Variants in DHX8 observed in about 807,000 individuals in gnomAD.
The protein encoded by DHX8 is ATP-dependent RNA helicase DHX8.
In DHX8, 67 loss-of-function variants were observed where a neutral mutation model predicts 140.7. The observed-to-expected ratio is 0.48, with a 90% CI of 0.39 to 0.58. The LOEUF is 0.58. Among genes scored for constraint, DHX8 ranks in the 20% least tolerant of loss-of-function variants. The pLI, the probability that DHX8 is intolerant of heterozygous loss-of-function variation, is 0.00. For missense variants in DHX8, 887 were observed against 1,550.7 expected (o/e 0.57, Z 7.19); for synonymous variants, 533 against 553.2 (o/e 0.96, Z 0.51).
chr17:43,527,508 C>T (rs1328490132), downstream of DHX8, among the ~76,000 whole-genome samples: 1 of 152,150 alleles, frequency 6.6e-6, no homozygotes, highest in Non-Finnish European at 1.5e-5. Flanking sequence ...GAGACCCTTG[C>T]CACTCAGTAG....
intron 16 of DHX8, among the ~76,000 whole-genome samples, chr17:43,511,174 A>G (rs1444908567): frequency 6.6e-6 from 1 of 152,108 alleles, no homozygotes; most frequent in East Asian, 1.9e-4. Context: ...TACTAAAAAT[A>G]CAAAAATTAG....
At chr17:43,511,455 C>CTTTTTTTTTTTTTTTTT (rs1279628229) in intron 16 of DHX8, among the ~76,000 whole-genome samples, 8 of 6,586 alleles carry the variant, frequency 1.2e-3, no homozygotes, top group South Asian at 7.4e-3. Context: ...GTGATCCCAG[C>CTTTTTTTTTTTTTTTTT]ATTTTTTTTT....
At chr17:43,500,176 C>A in intron 11 of DHX8, 73 bp downstream of exon 11, 1 of 1,514,660 alleles carries the variant, frequency 6.6e-7, no homozygotes. Flanking sequence ...AGGGGTCACT[C>A]CCGGCACACA....
At chr17:43,495,754 A>G (rs1968820151) in intron 8 of DHX8, among the ~76,000 whole-genome samples, 1 of 152,158 alleles carries the variant, frequency 6.6e-6, no homozygotes, top group Non-Finnish European at 1.5e-5. Context: ...GGGTCAGAGG[A>G]GAAAAAAACT....
At chr17:43,486,825 A>G (rs938035133) in intron 1 of DHX8, among the ~76,000 whole-genome samples, 8 of 149,184 alleles carry the variant, frequency 5.4e-5, no homozygotes, top group African/African-American at 2.0e-4. Context: ...TTGCAGTGAG[A>G]GGATCGTGCC....
intron 15 of DHX8, 141 bp from the exon 16 acceptor site, chr17:43,508,198 C>G: frequency 8.0e-7 from 1 of 1,253,668 alleles, no homozygotes; most frequent in South Asian, 1.5e-5. Context: ...CATATATAAA[C>G]AAACTTGTAT....
intron 16 of DHX8, among the ~76,000 whole-genome samples, chr17:43,509,357 C>T (rs1404827670): frequency 6.6e-6 from 1 of 152,064 alleles, no homozygotes; most frequent in Non-Finnish European, 1.5e-5. Flanking sequence ...GTGGCTGGAA[C>T]CAAGTATATG....
downstream of DHX8, chr17:43,527,726 A>C (rs1465482130): frequency 5.0e-6 from 1 of 199,926 alleles, no homozygotes; most frequent in African/African-American, 2.3e-5. Flanking sequence ...TTTCAAATCT[A>C]CATGAGGATT....
Position 43,524,038 on chromosome 17 carries a change from C to T in DHX8, c.*191C>T. Reference sequence around the variant, plus strand: ...ATTTAAACCTGGCTTTGGCAAGAGCCTGCAGCCTCCATCACCCCAAGTCCT... The same window carrying T: ...ATTTAAACCTGGCTTTGGCAAGAGCTTGCAGCCTCCATCACCCCAAGTCCT... On this transcript the variant is annotated 3_prime_UTR_variant, in exon 23 of 23. Transcript: ENST00000262415. The T allele has an allele frequency of 7.0e-7, 1 of 1,423,750 alleles. No homozygotes were observed. The highest frequency in any genetic ancestry group is 9.1e-7 in the Non-Finnish European group (1 of 1,092,910). 88.2% of individuals were successfully genotyped at this position (1,423,750 alleles called of 1,614,324 possible). A position where few individuals can be genotyped will look rare whatever the true frequency, so the allele number is the denominator to read the frequency against.
chr17:43,512,696 T>C (rs1325618481), intron 16 of DHX8, among the ~76,000 whole-genome samples: 2 of 152,196 alleles, frequency 1.3e-5, no homozygotes, highest in Non-Finnish European at 2.9e-5. Context: ...GCATGATGCG[T>C]GATATTCCGG....
rs1350753567 is a variant in DHX8, at chr17:43,489,470, C to G, written c.170C>G (p.Ala57Gly). ...GCAGCTGAATTTGTGATCAGTCTTG[C>G]TGAGAAAAATACCACCTTTGATACT... is the stretch of plus-strand genomic sequence containing the variant. ...KDLAEFVISL[A>G]EKNTTFDTFK... The change falls in exon 2 of 23, where the codon GCT becomes GGT. Residue 57 changes from alanine (A) to glycine (G), a missense_variant. Coordinates refer to ENST00000262415, the MANE Select transcript of DHX8 (RefSeq NM_004941.3). The G allele has an allele frequency of 1.2e-6, 2 of 1,610,298 alleles. No homozygotes were observed. Among genetic ancestry groups the G allele is most frequent in the South Asian group, 2.2e-5 (2 of 90,858 alleles).
chr17:43,526,244 A>G, downstream of DHX8: 2 of 1,271,624 alleles, frequency 1.6e-6, no homozygotes, highest in Non-Finnish European at 2.0e-6. Flanking sequence ...GTGACAGCCC[A>G]GGAGAGGATG....
At position 43,492,877 on chromosome 17, in the gene DHX8, G is replaced by C. The variant is rs1968617679; in HGVS notation, c.700G>C (p.Asp234His). ...SRSRSQSPPK[D>H]RKDRDKYGER... ...GAGCAGGAGTCAGAGTCCCCCCAAA[G>C]ACCGGAAGGACCGGGACAAATATGG... The change falls in exon 6 of 23, where the codon GAC (aspartate) becomes CAC (histidine). Residue 234 changes from aspartate to histidine, a missense_variant. Asp to His is a moderately conservative substitution (Grantham distance 81). Coordinates refer to ENST00000262415, the MANE Select transcript of DHX8 (RefSeq NM_004941.3). The C allele has an allele frequency of 6.2e-7, 1 of 1,614,196 alleles. No homozygotes were observed. The highest frequency in any genetic ancestry group is 1.6e-4 in the Middle Eastern group (1 of 6,062).
downstream of DHX8, chr17:43,526,157 G>C (rs748211244): frequency 1.0e-5 from 10 of 985,260 alleles, no homozygotes; most frequent in Non-Finnish European, 1.2e-5. Flanking sequence ...TCCAGATGCA[G>C]AAGGGGAGCT....
At position 43,508,287 on chromosome 17, in the gene DHX8, A is replaced by G; in HGVS notation, c.2321-52A>G. 1.9e-6 allele frequency: 3 copies of G among 1,566,006 alleles called. No homozygotes were observed. The South Asian group carries it at 3.7e-5, about 19-fold the overall frequency. ...ATTAATATCACCATAGCCCTTGTATAGGACACACATACACACACAGAAAGT... is the reference window on the plus strand; with the variant it reads ...ATTAATATCACCATAGCCCTTGTATGGGACACACATACACACACAGAAAGT... On this transcript the variant is annotated intron_variant, in intron 15 of 22. Transcript: ENST00000262415.
At chr17:43,509,812 G>A (rs890905116) in intron 16 of DHX8, among the ~76,000 whole-genome samples, 4 of 151,878 alleles carry the variant, frequency 2.6e-5, no homozygotes, top group Non-Finnish European at 5.9e-5. Context: ...GGGACTATAA[G>A]CACCCACTAC....
chr17:43,500,165 G>A, intron 11 of DHX8, 62 bp downstream of exon 11: 1 of 1,567,324 alleles, frequency 6.4e-7, no homozygotes, highest in South Asian at 1.1e-5. Flanking sequence ...AGAACACAGG[G>A]AGGGGTCACT....
chr17:43,532,450 G>A (rs535560253), intron 2 of DHX8, among the ~76,000 whole-genome samples: 6 of 151,758 alleles, frequency 4.0e-5, no homozygotes, highest in African/African-American at 9.7e-5. Context: ...AGTGAGCAGA[G>A]ATCGTGCCAC....
chr17:43,491,218 G>C lies in DHX8; in HGVS notation c.361G>C (p.Val121Leu), dbSNP rs1420324178. 2 of 1,537,502 alleles carry C rather than the reference G, an allele frequency of 1.3e-6. No homozygotes were observed. The highest frequency in any genetic ancestry group is 1.8e-6 in the Non-Finnish European group (2 of 1,142,212). Residue 121 changes from valine to leucine, a missense_variant, in exon 4 of 23, where the codon GTC becomes CTC. Coordinates refer to ENST00000262415, the MANE Select transcript of DHX8 (RefSeq NM_004941.3). ...EKEKLKELFP[V>L]LCQPDNPSVR... ...AGAAAAGCTGAAGGAACTCTTCCCAGTCCTTTGCCAACCGGACAACCCTTC... is the reference window on the plus strand; with the variant it reads ...AGAAAAGCTGAAGGAACTCTTCCCACTCCTTTGCCAACCGGACAACCCTTC...
Sources: allele counts gnomAD v4.1 joint callset (sites outside exome capture counted in the v4.1 genomes callset), GRCh38; gene constraint gnomAD v4.1.1; transcripts MANE v1.5; gene names NCBI Gene and HGNC (gene_info 2026-07-23, HGNC 2026-07-21).